The following HNRNPA2B1 variants were observed in gnomAD, a reference collection of about 807,000 sequenced individuals.
HNRNPA2B1 encodes heterogeneous nuclear ribonucleoproteins A2/B1.
Under a neutral mutation model 46.3 loss-of-function variants are expected in HNRNPA2B1, and 3 were observed. The observed-to-expected ratio is 0.06, with a 90% CI of 0.03 to 0.17. The LOEUF (loss-of-function observed/expected upper bound fraction) is 0.17. Among genes scored for constraint, HNRNPA2B1 ranks in the 10% least tolerant of loss-of-function variants. The pLI is 1.00. For synonymous variants in HNRNPA2B1, 225 were observed against 133.8 expected (o/e 1.68, Z -4.70); for missense variants, 221 against 418.9 (o/e 0.53, Z 4.12).
chr7:26,197,058 A>C, intron 3 of HNRNPA2B1, 41 bp from the exon 4 acceptor site: 3 of 1,497,070 alleles, frequency 2.0e-6, no homozygotes, highest in South Asian at 1.1e-5. Flanking sequence ...AACAGAAAAA[A>C]ACACAAGCAT....
rs1480889342 is a variant in HNRNPA2B1 at position 26,196,458 on chromosome 7, G to A, written c.601C>T (p.Arg201Cys). The change falls in exon 6 of 11, where the codon CGT (arginine) becomes TGT (cysteine). Residue 201 changes from arginine to cysteine, a missense_variant. Coordinates refer to ENST00000618183, the MANE Select transcript of HNRNPA2B1 (RefSeq NM_002137.4). Reference sequence around the variant, plus strand: ...GGTCCGAAATTTCCACCGCCACCACGTGAATCCCCAAAGCCAAAGTTGCCT... The same window carrying A: ...GGTCCGAAATTTCCACCGCCACCACATGAATCCCCAAAGCCAAAGTTGCCT... ...RGGNFGFGDS[R>C]GGGGNFGPGP... The A allele has an allele frequency of 1.2e-6, 2 of 1,614,086 alleles. No homozygotes were observed. Among genetic ancestry groups the A allele is most frequent in the East Asian group, 2.2e-5 (1 of 44,876 alleles).
chr7:26,190,049 G>A lies in HNRNPA2B1; in HGVS notation c.*2311C>T, dbSNP rs1056820465. On this transcript the variant is annotated 3_prime_UTR_variant, in exon 11 of 11. Transcript: ENST00000618183. ...TGAAACTGCTTTTAAAAATTTAGGG[G>A]ATGGTGATCTTTTAGACAACCAAAT... 6.6e-6 allele frequency: 1 copy of A among 152,508 alleles called. No homozygotes were observed. Among genetic ancestry groups the A allele is most frequent in the Non-Finnish European group, 1.5e-5 (1 of 68,008 alleles). 9.4% of individuals were successfully genotyped at this position (152,508 alleles called of 1,614,324 possible). A position where few individuals can be genotyped will look rare whatever the true frequency, so the allele number is the denominator to read the frequency against.
rs986344518 is a variant in HNRNPA2B1 at position 26,200,675 on chromosome 7, T to C, written c.-98A>G. The C allele has an allele frequency of 6.8e-6, 10 of 1,465,698 alleles. No homozygotes were observed. Among genetic ancestry groups the C allele is most frequent in the African/African-American group, 1.4e-5 (1 of 72,124 alleles). 90.8% of individuals were successfully genotyped at this position (1,465,698 alleles called of 1,614,324 possible). ...AACCGGACTCGTCCTGGCGCTGTAGTGAGAACTGCCGCTGCTCGAGAAACA... is the reference window on the plus strand; with the variant it reads ...AACCGGACTCGTCCTGGCGCTGTAGCGAGAACTGCCGCTGCTCGAGAAACA... On this transcript the variant is annotated 5_prime_UTR_variant, in exon 1 of 11. Transcript: ENST00000618183.
Position 26,200,686 on chromosome 7 carries a change from G to C in HNRNPA2B1, c.-109C>G. On this transcript the variant is annotated 5_prime_UTR_variant, in exon 1 of 11. Transcript: ENST00000618183. ...TCCTGGCGCTGTAGTGAGAACTGCCGCTGCTCGAGAAACAACTCTGCGAGG... is the reference window on the plus strand; with the variant it reads ...TCCTGGCGCTGTAGTGAGAACTGCCCCTGCTCGAGAAACAACTCTGCGAGG... 7.2e-7 allele frequency: 1 copy of C among 1,389,252 alleles called. No individual in the cohort carries two copies. Among genetic ancestry groups the C allele is most frequent in the Non-Finnish European group, 1.0e-6 (1 of 981,624 alleles). 86.1% of individuals were successfully genotyped at this position (1,389,252 alleles called of 1,614,324 possible).
At chr7:26,196,778 A>C in intron 4 of HNRNPA2B1, 29 bp downstream of exon 4, 1 of 1,598,674 alleles carries the variant, frequency 6.3e-7, no homozygotes, top group Non-Finnish European at 8.6e-7. Flanking sequence ...CACTGGAAAA[A>C]AACAGTACAT....
At position 26,197,034 on chromosome 7, in the gene HNRNPA2B1, G is replaced by C. The variant is rs745417429; in HGVS notation, c.265-17C>G. The C allele has an allele frequency of 6.3e-7, 1 of 1,584,332 alleles. No homozygotes were observed. Among genetic ancestry groups the C allele is most frequent in the Non-Finnish European group, 8.6e-7 (1 of 1,158,630 alleles). On this transcript the variant is annotated splice_polypyrimidine_tract_variant and intron_variant, in intron 3 of 10. Transcript: ENST00000618183. ...TCCAGATTCCTAAAATAGTGGTGGGGTAAAAGTCATCCAAACAGAAAAAAA... is the reference window on the plus strand; with the variant it reads ...TCCAGATTCCTAAAATAGTGGTGGGCTAAAAGTCATCCAAACAGAAAAAAA...
rs756561817 is a variant in HNRNPA2B1 at position 26,196,382 on chromosome 7, C to A, written c.658+19G>T. The A allele has an allele frequency of 1.3e-6, 2 of 1,589,958 alleles. No individual in the cohort carries two copies. Among genetic ancestry groups the A allele is most frequent in the East Asian group, 4.5e-5 (2 of 44,758 alleles). ...TAAAAGCACACTCATCCTTTAAACACGTAGAACTTGAAACTCACCAGATCC... is the reference window on the plus strand; with the variant it reads ...TAAAAGCACACTCATCCTTTAAACAAGTAGAACTTGAAACTCACCAGATCC... On this transcript the variant is annotated intron_variant, in intron 6 of 10. Coordinates refer to ENST00000618183, the MANE Select transcript of HNRNPA2B1 (RefSeq NM_002137.4).
At chr7:26,193,137 A>C in intron 9 of HNRNPA2B1, 114 bp downstream of exon 9, 1 of 1,009,360 alleles carries the variant, frequency 9.9e-7, no homozygotes, top group Non-Finnish European at 1.5e-6. Context: ...CTAAGACCGT[A>C]CATGGAGCAC....
Position 26,193,386 on chromosome 7 carries a change from T to C in HNRNPA2B1, c.842-13A>G. ...CTTCCATAATTTCCTATTAAAAAAT[T>C]GGAATACTCAGAACAATACAAACAT... On this transcript the variant is annotated splice_polypyrimidine_tract_variant and intron_variant, in intron 8 of 10. Transcript: ENST00000618183. 2 of 1,609,196 alleles carry C rather than the reference T, an allele frequency of 1.2e-6. No homozygotes were observed. Among genetic ancestry groups the C allele is most frequent in the Non-Finnish European group, 1.7e-6 (2 of 1,175,960 alleles).
At chr7:26,193,728 AT>A in intron 7 of HNRNPA2B1, 34 bp from the exon 8 acceptor site, 1 of 1,566,906 alleles carries the variant, frequency 6.4e-7, no homozygotes. Flanking sequence ...TAATCACTTA[AT>A]ATTTTCAATA....
chr7:26,198,957 C>G (rs1784013555), intron 1 of HNRNPA2B1: 1 of 152,100 alleles, frequency 6.6e-6, no homozygotes, highest in Non-Finnish European at 1.5e-5. Context: ...GTTTTCATGA[C>G]TCGTAAAAAT....
chr7:26,200,449 A>T, intron 1 of HNRNPA2B1, 123 bp downstream of exon 1: 2 of 939,142 alleles, frequency 2.1e-6, no homozygotes, highest in Non-Finnish European at 3.5e-6. Flanking sequence ...CTTAAGCCCC[A>T]CTGCTACTGA....
chr7:26,196,246 T>C (rs966606038), intron 6 of HNRNPA2B1, among the ~76,000 whole-genome samples, 155 bp downstream of exon 6: 1 of 152,234 alleles, frequency 6.6e-6, no homozygotes, highest in Non-Finnish European at 1.5e-5. Flanking sequence ...TAACTTCTTG[T>C]CTGGCCAAAT....
intron 2 of HNRNPA2B1, 53 bp downstream of exon 2, chr7:26,197,569 T>G: frequency 6.4e-7 from 1 of 1,561,268 alleles, no homozygotes; most frequent in South Asian, 1.1e-5. Flanking sequence ...CATGATTCAC[T>G]TAACATACAG....
At chr7:26,195,088 G>A (rs1199830020) in intron 7 of HNRNPA2B1, among the ~76,000 whole-genome samples, 25 of 92,646 alleles carry the variant, frequency 2.7e-4, no homozygotes, top group South Asian at 2.3e-3. Context: ...GCAAGGCTCC[G>A]TCTCAAAAAA....
At chr7:26,197,203 C>T in intron 3 of HNRNPA2B1, 112 bp downstream of exon 3, 2 of 1,334,086 alleles carry the variant, frequency 1.5e-6, no homozygotes, top group Non-Finnish European at 2.1e-6. Context: ...ACCCAACACA[C>T]CTTTAATAAG....
At position 26,191,688 on chromosome 7, in the gene HNRNPA2B1, G is replaced by A. The variant is rs1350469037; in HGVS notation, c.*672C>T. ...TTCTCCTTGCAGAGATATCCCTTAA[G>A]TTATCTACATAATTTAATCCTGATG... On this transcript the variant is annotated 3_prime_UTR_variant, in exon 11 of 11. Coordinates refer to ENST00000618183, the MANE Select transcript of HNRNPA2B1 (RefSeq NM_002137.4). 9 of 152,182 alleles carry A rather than the reference G, an allele frequency of 5.9e-5. No individual in the cohort carries two copies. Among genetic ancestry groups the A allele is most frequent in the Admixed American group, 5.9e-4 (9 of 15,278 alleles). The allele number at this position is 152,182 out of a possible 1,614,324, so 9.4% of individuals were successfully genotyped here. A position where few individuals can be genotyped will look rare whatever the true frequency, so the allele number is the denominator to read the frequency against.
At chr7:26,195,507 C>T (rs1439138968) in intron 7 of HNRNPA2B1, among the ~76,000 whole-genome samples, 2 of 152,204 alleles carry the variant, frequency 1.3e-5, no homozygotes, top group African/African-American at 4.8e-5. Context: ...TTTTTTCCTA[C>T]ATATACCACC....
intron 1 of HNRNPA2B1, chr7:26,198,216 G>A (rs1783886048): frequency 5.4e-6 from 1 of 186,456 alleles, no homozygotes; most frequent in East Asian, 1.3e-4. Flanking sequence ...TTCAATATCT[G>A]AAAAGTATCA....
Sources: gnomAD v4.1 joint callset for allele counts (sites outside exome capture counted in the v4.1 genomes callset) on GRCh38, gnomAD v4.1.1 for gene constraint, MANE v1.5 for transcripts, NCBI Gene and HGNC (gene_info 2026-07-23, HGNC 2026-07-21) for gene names.